GABRG3: variants seen among roughly 807,000 people sequenced by gnomAD.
The protein encoded by GABRG3 is gamma-aminobutyric acid type A receptor subunit gamma3, also known as gamma-aminobutyric acid receptor subunit gamma-3.
In GABRG3, 25 loss-of-function variants were observed where a neutral mutation model predicts 48.8. That is an observed-to-expected ratio of 0.51 (90% CI 0.37 to 0.72). The LOEUF is 0.72. GABRG3 is among the 30% of genes least tolerant of loss of function. GABRG3 has a pLI of 0.00. For missense variants in GABRG3, 394 were observed against 577.9 expected (o/e 0.68, Z 3.26); for synonymous variants, 227 against 217.6 (o/e 1.04, Z -0.38).
chr15:27,154,992 C>G (rs1396146584), intron 3 of GABRG3, among the ~76,000 whole-genome samples: 3 of 151,980 alleles, frequency 2.0e-5, no homozygotes, highest in African/African-American at 7.2e-5. Context: ...TCCTTACTGT[C>G]TTTCCATTCT....
intron 5 of GABRG3, among the ~76,000 whole-genome samples, chr15:27,456,779 T>C (rs1262924482): frequency 6.6e-6 from 1 of 152,160 alleles, no homozygotes; most frequent in African/African-American, 2.4e-5. Context: ...GAAGAGAGCC[T>C]GCTCCTTAAT....
chr15:27,209,602 A>C (rs1340599406), intron 3 of GABRG3, among the ~76,000 whole-genome samples: 1 of 152,196 alleles, frequency 6.6e-6, no homozygotes, highest in African/African-American at 2.4e-5. Context: ...ACATGAGCCC[A>C]TTCCCTTGGG....
At chr15:26,978,943 T>G (rs1230053329) in intron 2 of GABRG3, among the ~76,000 whole-genome samples, 3 of 152,224 alleles carry the variant, frequency 2.0e-5, no homozygotes, top group Non-Finnish European at 4.4e-5. Flanking sequence ...TCTACTATGT[T>G]GCATCTTCCA....
chr15:27,071,751 A>C (rs749906536), intron 3 of GABRG3, among the ~76,000 whole-genome samples: 2 of 152,250 alleles, frequency 1.3e-5, no homozygotes, highest in Non-Finnish European at 2.9e-5. Flanking sequence ...GTTTGCAGAC[A>C]GATATGGATA....
intron 3 of GABRG3, among the ~76,000 whole-genome samples, chr15:27,166,705 T>C (rs988799068): frequency 6.6e-6 from 1 of 152,162 alleles, no homozygotes; most frequent in Non-Finnish European, 1.5e-5. Context: ...TGCTGTTTCC[T>C]AGGAAATGAA....
intron 2 of GABRG3, among the ~76,000 whole-genome samples, chr15:27,011,280 C>T (rs1231823276): frequency 6.6e-6 from 1 of 152,186 alleles, no homozygotes; most frequent in Non-Finnish European, 1.5e-5. Flanking sequence ...GTGACGTGTA[C>T]AACTTTGACA....
chr15:27,101,062 G>C (rs568076708), intron 3 of GABRG3, among the ~76,000 whole-genome samples: 4 of 152,286 alleles, frequency 2.6e-5, no homozygotes, highest in Non-Finnish European at 4.4e-5. Context: ...CTACATGAAA[G>C]TCACAAGGAA....
At chr15:27,025,024 CAAAA>C (rs34897569) in intron 2 of GABRG3, among the ~76,000 whole-genome samples, 1 of 91,636 alleles carries the variant, frequency 1.1e-5, no homozygotes. Context: ...GACCCTGTCT[CAAAA>C]AAAAAAAAAA....
intron 5 of GABRG3, chr15:27,420,776 G>C (rs918418297): frequency 1.3e-5 from 2 of 152,162 alleles, no homozygotes; most frequent in Non-Finnish European, 2.9e-5. Flanking sequence ...TAAATTTATA[G>C]TTTCTCACAT....
intron 2 of GABRG3, among the ~76,000 whole-genome samples, chr15:27,025,024 CAAAAAAAA>C (rs34897569): frequency 1.1e-5 from 1 of 91,638 alleles, no homozygotes; most frequent in Non-Finnish European, 2.0e-5. Context: ...GACCCTGTCT[CAAAAAAAA>C]AAAAAAAAAA....
At chr15:27,134,162 G>C (rs1380783571) in intron 3 of GABRG3, among the ~76,000 whole-genome samples, 5 of 152,170 alleles carry the variant, frequency 3.3e-5, no homozygotes, top group Non-Finnish European at 5.9e-5. Flanking sequence ...ATTCTTTAGG[G>C]AGTTACGAAT....
intron 5 of GABRG3, among the ~76,000 whole-genome samples, chr15:27,370,528 A>G (rs1595710202): frequency 1.3e-5 from 2 of 152,276 alleles, no homozygotes; most frequent in Admixed American, 1.3e-4. Flanking sequence ...CCACCCTGGG[A>G]TCCTGGTCCA....
chr15:27,481,291 T>A, intron 6 of GABRG3: 1 of 908,350 alleles, frequency 1.1e-6, no homozygotes, highest in Non-Finnish European at 1.3e-6. Flanking sequence ...ATTATATGCA[T>A]ATTCAAAATC....
intron 3 of GABRG3, among the ~76,000 whole-genome samples, chr15:27,194,650 T>C (rs1044320598): frequency 1.3e-5 from 2 of 152,222 alleles, no homozygotes; most frequent in South Asian, 4.1e-4. Flanking sequence ...TTTAAACCTA[T>C]ATGCAATGTG....
At chr15:27,297,442 G>A (rs1015297854) in intron 3 of GABRG3, among the ~76,000 whole-genome samples, 21 of 152,018 alleles carry the variant, frequency 1.4e-4, no homozygotes, top group African/African-American at 5.1e-4. Context: ...ACCTATACAG[G>A]TGTAGCATTT....
intron 2 of GABRG3, among the ~76,000 whole-genome samples, chr15:27,009,994 G>A (rs1318345667): frequency 6.6e-6 from 1 of 151,862 alleles, no homozygotes; most frequent in African/African-American, 2.4e-5. Flanking sequence ...ATCCAGGCTG[G>A]AGTGCAGTGG....
chr15:27,069,675 C>T (rs1408548270), intron 3 of GABRG3, among the ~76,000 whole-genome samples: 1 of 152,188 alleles, frequency 6.6e-6, no homozygotes, highest in Non-Finnish European at 1.5e-5. Flanking sequence ...TTTAAATTTC[C>T]ACCTGTATAC....
At chr15:27,529,604 G>C (rs1490451320) in intron 9 of GABRG3, among the ~76,000 whole-genome samples, 2 of 152,118 alleles carry the variant, frequency 1.3e-5, no homozygotes, top group East Asian at 3.9e-4. Context: ...TGCAAGTGTG[G>C]ATCGTGATAG....
At chr15:27,500,940 G>A (rs1008304993) in intron 6 of GABRG3, among the ~76,000 whole-genome samples, 3 of 148,308 alleles carry the variant, frequency 2.0e-5, no homozygotes, top group African/African-American at 7.5e-5. Flanking sequence ...AGAAAAATAG[G>A]AAGTAACGTA....
Sources: gnomAD v4.1 joint callset for allele counts (sites outside exome capture counted in the v4.1 genomes callset) on GRCh38, gnomAD v4.1.1 for gene constraint, MANE v1.5 for transcripts, NCBI Gene and HGNC (gene_info 2026-07-23, HGNC 2026-07-21) for gene names.